Variants in BTBD9 observed in about 807,000 individuals in gnomAD.
The protein encoded by BTBD9 is BTB/POZ domain-containing protein 9.
Under a neutral mutation model 64.3 loss-of-function variants are expected in BTBD9, and 49 were observed. The observed-to-expected ratio is 0.76, with a 90% CI of 0.61 to 0.97. The LOEUF is 0.97. BTBD9 is among the 50% of genes least tolerant of loss of function. The pLI, the probability that BTBD9 is intolerant of heterozygous loss-of-function variation, is 0.00. For missense variants in BTBD9, 598 were observed against 762.1 expected, an observed-to-expected ratio of 0.78 and a Z score of 2.53; for synonymous variants, 260 against 274.7, an observed-to-expected ratio of 0.95 and a Z score of 0.53.
intron 10 of BTBD9, among the ~76,000 whole-genome samples, chr6:38,177,305 G>C (rs894474524): frequency 6.6e-6 from 1 of 152,178 alleles, no homozygotes. Context: ...CTCTTGCAAC[G>C]TTCTCTACAG....
intron 1 of BTBD9, among the ~76,000 whole-genome samples, chr6:38,616,206 C>A (rs1285502882): frequency 2.0e-5 from 3 of 152,058 alleles, no homozygotes; most frequent in African/African-American, 7.2e-5. Context: ...TCACAAGAAC[C>A]AAATTCTGCT....
At position 38,343,951 on chromosome 6, in the gene BTBD9, T is replaced by C. The variant is rs190155605; in HGVS notation, c.1264+1033A>G. Among the ~76,000 whole-genome samples, 13 of 152,356 alleles carry C rather than the reference T, an allele frequency of 8.5e-5. No individual in the cohort carries two copies. In the East Asian group the frequency reaches 2.5e-3, roughly 29 times the overall value. On this transcript the variant is annotated intron_variant, in intron 7 of 10. Coordinates refer to ENST00000481247, the MANE Select transcript of BTBD9 (RefSeq NM_001099272.2). ...ACACTCATCTTTCCCATTATAGTTA[T>C]TCCCATGCTTTTAGGTCAGTATGGA...
intron 6 of BTBD9, among the ~76,000 whole-genome samples, chr6:38,453,110 G>C (rs913112152): frequency 1.3e-5 from 2 of 152,274 alleles, no homozygotes; most frequent in Admixed American, 6.5e-5. Flanking sequence ...ACAATAGTTT[G>C]AGTGAAAATT....
chr6:38,400,038 A>C (rs1166689171), intron 6 of BTBD9, among the ~76,000 whole-genome samples: 1 of 151,782 alleles, frequency 6.6e-6, no homozygotes, highest in African/African-American at 2.4e-5. Flanking sequence ...CTGGGATTAC[A>C]GGTGTGAGCC....
intron 6 of BTBD9, chr6:38,482,316 C>G (rs1366644106): frequency 2.0e-5 from 3 of 152,104 alleles, no homozygotes; most frequent in African/African-American, 7.2e-5. Context: ...CCCACCAAAG[C>G]ATGCCAGGCA....
intron 6 of BTBD9, among the ~76,000 whole-genome samples, chr6:38,573,300 A>G (rs1582654450): frequency 6.6e-6 from 1 of 152,176 alleles, no homozygotes; most frequent in African/African-American, 2.4e-5. Flanking sequence ...CCAGATGGCA[A>G]GTTTTATCAA....
intron 9 of BTBD9, among the ~76,000 whole-genome samples, chr6:38,207,584 C>T (rs1384834758): frequency 6.6e-6 from 1 of 152,124 alleles, no homozygotes; most frequent in African/African-American, 2.4e-5. Context: ...GACTGCACTG[C>T]TGCATTCCAG....
intron 6 of BTBD9, among the ~76,000 whole-genome samples, chr6:38,502,158 G>A (rs1183974977): frequency 6.6e-6 from 1 of 152,160 alleles, no homozygotes; most frequent in African/African-American, 2.4e-5. Flanking sequence ...TTCAAATGTT[G>A]GCTTGGGTGG....
At chr6:38,381,454 T>C (rs896543250) in intron 6 of BTBD9, among the ~76,000 whole-genome samples, 3 of 152,140 alleles carry the variant, frequency 2.0e-5, no homozygotes, top group Non-Finnish European at 4.4e-5. Context: ...TTTCAAAATA[T>C]ACTAAGCAAA....
chr6:38,176,699 G>C (rs945320651), intron 10 of BTBD9, among the ~76,000 whole-genome samples: 2 of 152,122 alleles, frequency 1.3e-5, no homozygotes, highest in East Asian at 3.9e-4. Context: ...ACACTATTTG[G>C]GCCATCAGCT....
intron 9 of BTBD9, among the ~76,000 whole-genome samples, chr6:38,238,694 C>T (rs959001460): frequency 2.4e-4 from 36 of 151,990 alleles, no homozygotes; most frequent in African/African-American, 7.7e-4. Context: ...AGGATGGTCT[C>T]GATTTCCTGA....
intron 7 of BTBD9, among the ~76,000 whole-genome samples, chr6:38,289,054 G>A (rs538843426): frequency 2.0e-5 from 3 of 151,630 alleles, no homozygotes; most frequent in African/African-American, 7.3e-5. Context: ...AACTAAAAAG[G>A]GAATCTAGGA....
At chr6:38,403,167 C>G (rs1378931933) in intron 6 of BTBD9, among the ~76,000 whole-genome samples, 7 of 151,974 alleles carry the variant, frequency 4.6e-5, no homozygotes, top group Non-Finnish European at 1.0e-4. Flanking sequence ...ACCTAAATCA[C>G]AAGCAACCAA....
At chr6:38,398,811 T>C (rs1011628905) in intron 6 of BTBD9, among the ~76,000 whole-genome samples, 1 of 152,220 alleles carries the variant, frequency 6.6e-6, no homozygotes, top group African/African-American at 2.4e-5. Flanking sequence ...TTTAAACATA[T>C]AATTATTTAA....
chr6:38,481,701 T>C (rs1262104491), intron 6 of BTBD9: 2 of 152,234 alleles, frequency 1.3e-5, no homozygotes, highest in African/African-American at 2.4e-5. Flanking sequence ...CCCCCATCCA[T>C]TAAAGGCAAG....
At chr6:38,292,053 C>T (rs1241028915) in intron 7 of BTBD9, among the ~76,000 whole-genome samples, 1 of 151,964 alleles carries the variant, frequency 6.6e-6, no homozygotes, top group African/African-American at 2.4e-5. Flanking sequence ...CCTCCGCCTG[C>T]CCAGCTCAAG....
At chr6:38,375,022 G>A (rs1326773282) in intron 6 of BTBD9, among the ~76,000 whole-genome samples, 1 of 152,196 alleles carries the variant, frequency 6.6e-6, no homozygotes, top group African/African-American at 2.4e-5. Context: ...TAAGGCAGGA[G>A]TATATACTGA....
At chr6:38,580,158 A>G in intron 5 of BTBD9, 60 bp downstream of exon 5, 1 of 1,493,126 alleles carries the variant, frequency 6.7e-7, no homozygotes, top group East Asian at 2.3e-5. Context: ...AAAGTAGATG[A>G]CCACAAAGCT....
In BTBD9 at chr6:38,168,961, G is replaced by A. The variant is rs1766635117; in HGVS notation, c.*6024C>T. The A allele has an allele frequency of 2.0e-5, 3 of 152,376 alleles. No homozygotes were observed. Among genetic ancestry groups the A allele is most frequent in the Admixed American group, 2.0e-4 (3 of 15,290 alleles). The allele number at this position is 152,376 out of a possible 1,614,324, so 9.4% of individuals were successfully genotyped here. The stretch of plus-strand genomic sequence containing the variant: ...AGGACCAGGGAGCGTGTGATGGAGA[G>A]ATTTCTCACTGTTCTTCTGAGGGGG... On this transcript the variant is annotated 3_prime_UTR_variant, in exon 11 of 11. Coordinates refer to ENST00000481247, the MANE Select transcript of BTBD9 (RefSeq NM_001099272.2).
Sources: allele counts gnomAD v4.1 joint callset (sites outside exome capture counted in the v4.1 genomes callset), GRCh38; gene constraint gnomAD v4.1.1; transcripts MANE v1.5; gene names NCBI Gene and HGNC (gene_info 2026-07-23, HGNC 2026-07-21).